The following ZDHHC14 variants were observed in gnomAD, a reference collection of about 807,000 sequenced individuals.
ZDHHC14 encodes the protein zDHHC palmitoyltransferase 14.
In ZDHHC14, 16 loss-of-function variants were observed where a neutral mutation model predicts 47.7. The ratio of observed to expected loss-of-function variants is 0.34; its 90% CI spans 0.23 to 0.51. ZDHHC14 has a LOEUF of 0.51. ZDHHC14 is among the 20% of genes least tolerant of loss of function. The probability of loss-of-function intolerance (pLI) is 0.97; values close to 1 mark genes in which losing one functional copy is unlikely to be tolerated. For synonymous variants in ZDHHC14, 293 were observed against 278.9 expected (o/e 1.05, Z -0.50); for missense variants, 515 against 662.5 (o/e 0.78, Z 2.44).
At chr6:157,603,552 G>A (rs373829497) in intron 3 of ZDHHC14, among the ~76,000 whole-genome samples, 7 of 152,144 alleles carry the variant, frequency 4.6e-5, no homozygotes, top group African/African-American at 1.4e-4. Flanking sequence ...TCTGGCATCC[G>A]AGTATAAAGT....
chr6:157,545,533 C>T (rs1011974284), intron 2 of ZDHHC14, among the ~76,000 whole-genome samples: 1 of 152,026 alleles, frequency 6.6e-6, no homozygotes, highest in Admixed American at 6.6e-5. Context: ...AAAAAATTAG[C>T]CGGGTGTGGT....
At chr6:157,536,819 C>CTTTTTTTT (rs768063106) in intron 1 of ZDHHC14, among the ~76,000 whole-genome samples, 1 of 97,998 alleles carries the variant, frequency 1.0e-5, no homozygotes, top group African/African-American at 6.4e-5. Context: ...CTCCATCTAT[C>CTTTTTTTT]TTTTTTTTTT....
At chr6:157,485,019 C>A (rs2114720798) in intron 1 of ZDHHC14, among the ~76,000 whole-genome samples, 1 of 152,278 alleles carries the variant, frequency 6.6e-6, no homozygotes, top group South Asian at 2.1e-4. Context: ...AGCGCTTGAA[C>A]CTGGGAGGCA....
rs1778902190 is a variant in ZDHHC14 at position 157,673,522 on chromosome 6, T to C, written c.*400T>C. On this transcript the variant is annotated 3_prime_UTR_variant, in exon 9 of 9. Transcript: ENST00000359775. The surrounding 1 kb of genome is among the most constrained non-coding windows in gnomAD (Gnocchi z 5.4). ...TTTGAAACAGACCTGCCATTCCATT[T>C]GTTAATTAAAAAAAAAAAAAATCCT... 1 of 188,728 alleles carries C rather than the reference T, an allele frequency of 5.3e-6. No homozygotes were observed. Among genetic ancestry groups the C allele is most frequent in the Admixed American group, 6.2e-5 (1 of 16,242 alleles). 11.7% of individuals were successfully genotyped at this position (188,728 alleles called of 1,614,324 possible).
At chr6:157,546,081 A>G (rs980586817) in intron 2 of ZDHHC14, among the ~76,000 whole-genome samples, 11 of 152,252 alleles carry the variant, frequency 7.2e-5, no homozygotes, top group African/African-American at 2.7e-4. Flanking sequence ...AATAAATGGC[A>G]GAGCTGGTAC....
chr6:157,519,015 G>A (rs978978454), intron 1 of ZDHHC14, among the ~76,000 whole-genome samples: 1 of 152,148 alleles, frequency 6.6e-6, no homozygotes, highest in Non-Finnish European at 1.5e-5. Context: ...GTATCCTTAC[G>A]CCTCTGCCAT....
At chr6:157,605,949 A>G (rs2114914707) in intron 3 of ZDHHC14, among the ~76,000 whole-genome samples, 1 of 152,360 alleles carries the variant, frequency 6.6e-6, no homozygotes, top group South Asian at 2.1e-4. Flanking sequence ...AAAGTCATAA[A>G]TAAGCTCAAC....
At chr6:157,459,998 G>C (rs1201605255) in intron 1 of ZDHHC14, among the ~76,000 whole-genome samples, 8 of 150,310 alleles carry the variant, frequency 5.3e-5, no homozygotes, top group Admixed American at 4.0e-4. Flanking sequence ...GATCACTTGA[G>C]GTCAGGAGTT....
chr6:157,492,208 C>G (rs1198826143), intron 1 of ZDHHC14, among the ~76,000 whole-genome samples: 1 of 146,912 alleles, frequency 6.8e-6, no homozygotes. Flanking sequence ...CCGCCCCCGC[C>G]CCCCAGCCAC....
At chr6:157,474,951 G>A (rs914951002) in intron 1 of ZDHHC14, among the ~76,000 whole-genome samples, 1 of 151,832 alleles carries the variant, frequency 6.6e-6, no homozygotes, top group African/African-American at 2.4e-5. Flanking sequence ...GTGCTTTTGG[G>A]GTCACATCCA....
intron 5 of ZDHHC14, among the ~76,000 whole-genome samples, chr6:157,636,357 G>GTGTA (rs1776979861): frequency 6.6e-6 from 1 of 151,856 alleles, no homozygotes; most frequent in Non-Finnish European, 1.5e-5. Context: ...GTGTGTGTGT[G>GTGTA]TGTGCATGCA....
rs535459761 is a variant in ZDHHC14 at position 157,393,395 on chromosome 6, A to G, written c.245+11129A>G. Among the ~76,000 whole-genome samples, 7 of 152,332 alleles carry G rather than the reference A, an allele frequency of 4.6e-5. No homozygotes were observed. The South Asian group carries it at 1.5e-3, about 32-fold the overall frequency. ...CTGAGATAATCTTATCAGCGGAGGA[A>G]TGGCGATCTAACCCACTTGGGAAGG... is the stretch of plus-strand genomic sequence containing the variant. On this transcript the variant is annotated intron_variant, in intron 1 of 8. Transcript: ENST00000359775.
chr6:157,515,758 C>G (rs761595994), intron 1 of ZDHHC14, among the ~76,000 whole-genome samples: 1 of 152,116 alleles, frequency 6.6e-6, no homozygotes. Context: ...AGCCACCGCG[C>G]CCGGCCCACC....
At chr6:157,608,877 A>C (rs1784649107) in intron 3 of ZDHHC14, among the ~76,000 whole-genome samples, 2 of 152,222 alleles carry the variant, frequency 1.3e-5, no homozygotes, top group Non-Finnish European at 2.9e-5. Flanking sequence ...ACTAGAGTCC[A>C]GGCCAGGGCA....
chr6:157,588,226 A>G (rs1169657773), intron 2 of ZDHHC14, among the ~76,000 whole-genome samples: 2 of 152,130 alleles, frequency 1.3e-5, no homozygotes, highest in Non-Finnish European at 2.9e-5. Flanking sequence ...ACGCCACTGC[A>G]CTCCAGCCTG....
intron 1 of ZDHHC14, among the ~76,000 whole-genome samples, chr6:157,392,539 T>C (rs1777437031): frequency 6.6e-6 from 1 of 152,088 alleles, no homozygotes; most frequent in Non-Finnish European, 1.5e-5. Context: ...GGGTTTCTGA[T>C]TGAACCAGCC....
chr6:157,487,560 T>C (rs1053484397), intron 1 of ZDHHC14, among the ~76,000 whole-genome samples: 8 of 152,224 alleles, frequency 5.3e-5, no homozygotes, highest in South Asian at 2.1e-4. Flanking sequence ...ATATCCTTCA[T>C]GTACAGACGC....
intron 2 of ZDHHC14, among the ~76,000 whole-genome samples, chr6:157,559,921 C>G (rs1782640377): frequency 6.6e-6 from 1 of 152,042 alleles, no homozygotes; most frequent in Non-Finnish European, 1.5e-5. Context: ...CTGCAGGGAG[C>G]AAAATAGAAA....
intron 1 of ZDHHC14, among the ~76,000 whole-genome samples, chr6:157,479,912 G>A (rs997726345): frequency 1.3e-5 from 2 of 152,194 alleles, no homozygotes; most frequent in African/African-American, 4.8e-5. Flanking sequence ...CTCCATGAGT[G>A]AAAGTAGACA....
Sources: allele counts gnomAD v4.1 joint callset (sites outside exome capture counted in the v4.1 genomes callset), GRCh38; gene constraint gnomAD v4.1.1; non-coding constraint Gnocchi (gnomAD v3.1); transcripts MANE v1.5; gene names NCBI Gene and HGNC (gene_info 2026-07-23, HGNC 2026-07-21).